The following CHD5 variants were observed in gnomAD, a reference collection of about 807,000 sequenced individuals.
CHD5 encodes chromodomain helicase DNA binding protein 5, also known as ATP-dependent chromatin remodeler CHD5.
Under a neutral mutation model 230.3 loss-of-function variants are expected in CHD5, and 69 were observed. The ratio of observed to expected loss-of-function variants is 0.30; its 90% CI spans 0.25 to 0.37. CHD5 has a LOEUF of 0.37. Ranked by LOEUF, CHD5 falls within the 10% of genes least tolerant of loss-of-function variation. The probability of loss-of-function intolerance (pLI) is 1.00; values close to 1 mark genes in which losing one functional copy is unlikely to be tolerated. For missense variants in CHD5, 1,827 were observed against 2,622.8 expected, an observed-to-expected ratio of 0.70 and a Z score of 6.63; for synonymous variants, 1,064 against 1,065.9, an observed-to-expected ratio of 1.00 and a Z score of 0.03.
In CHD5 at chr1:6,135,445, G is replaced by A. The variant is rs369072788; in HGVS notation, c.2697-42C>T. The A allele has an allele frequency of 1.4e-4, 219 of 1,557,616 alleles. No homozygotes were observed. In the African/African-American group the frequency reaches 2.3e-3, roughly 17 times the overall value. ...GGATAACAGCCAGGAGCAGAGGACC[G>A]GGGCAGGGGAGGCAGGGTGCAGAGC... On this transcript the variant is annotated intron_variant, in intron 17 of 41. Coordinates refer to ENST00000262450, the MANE Select transcript of CHD5 (RefSeq NM_015557.3).
At chr1:6,107,041 G>A in intron 38 of CHD5, among the ~76,000 whole-genome samples, 1 of 141,590 alleles carries the variant, frequency 7.1e-6, no homozygotes, top group South Asian at 2.5e-4. Flanking sequence ...GGAAGATGGA[G>A]GGATGGAGGA....
chr1:6,142,203 G>A lies in CHD5; in HGVS notation c.2361C>T (p.Arg787=), dbSNP rs1343827271. Residue 787 remains arginine, a synonymous_variant, in exon 15 of 42, where the codon CGC becomes CGT. Transcript: ENST00000262450. This position sits in a 1 kb window ranked among gnomAD's most constrained non-coding sequence, Gnocchi z 5.2. ...AAAACTCGTTCTCCCGAATCACCGA[G>A]CGGCTCTCCTTGTCCCCCGTGTAGG... ...VVTYTGDKES[R]SVIRENEFSF... 6.2e-7 allele frequency: 1 copy of A among 1,614,070 alleles called. No homozygotes were observed. Among genetic ancestry groups the A allele is most frequent in the African/African-American group, 1.3e-5 (1 of 74,932 alleles).
chr1:6,105,206 A>AG lies in CHD5; in HGVS notation c.*267dup, dbSNP rs1557532497. The stretch of plus-strand genomic sequence containing the variant: ...AAGAAGTCGTCTGGAAAAGGTGGCG[A>AG]GGGGGCACGTCCGGCGTGGTTGTGG... On this transcript the variant is annotated 3_prime_UTR_variant, in exon 42 of 42. Transcript: ENST00000262450. The surrounding 1 kb of genome is among the most constrained non-coding windows in gnomAD (Gnocchi z 4.8). 2 of 350,124 alleles carry AG rather than the reference A, an allele frequency of 5.7e-6. No homozygotes were observed. Among genetic ancestry groups the AG allele is most frequent in the South Asian group, 2.2e-5 (1 of 45,436 alleles). 21.7% of individuals were successfully genotyped at this position (350,124 alleles called of 1,614,324 possible).
In CHD5 at chr1:6,124,232, G is replaced by A. The variant is rs552690609; in HGVS notation, c.4540-125C>T. 94 of 950,166 alleles carry A rather than the reference G, an allele frequency of 9.9e-5. No individual in the cohort carries two copies. The East Asian group carries it at 1.2e-3, about 13-fold the overall frequency. 58.9% of individuals were successfully genotyped at this position (950,166 alleles called of 1,614,324 possible). Reference sequence around the variant, plus strand: ...CAGGCTTGGGGTAGCTGCTACCTCCGCCCAAGGCTGGCCAAGCCAGGCCCC... The same window carrying A: ...CAGGCTTGGGGTAGCTGCTACCTCCACCCAAGGCTGGCCAAGCCAGGCCCC... On this transcript the variant is annotated intron_variant, in intron 30 of 41. Coordinates refer to ENST00000262450, the MANE Select transcript of CHD5 (RefSeq NM_015557.3).
intron 5 of CHD5, among the ~76,000 whole-genome samples, chr1:6,152,859 C>T (rs945293178): frequency 6.6e-6 from 1 of 152,232 alleles, no homozygotes; most frequent in African/African-American, 2.4e-5. Flanking sequence ...ACTAGCCATC[C>T]CCCACAGCCA....
chr1:6,119,065 TA>T (rs35690342), intron 33 of CHD5, among the ~76,000 whole-genome samples: 89,896 of 145,540 alleles, frequency 0.62, 27,837 homozygotes, highest in East Asian at 0.98. Flanking sequence ...GCTGTTATCT[TA>T]AAAAAAAAAA....
rs1055256100 is a variant in CHD5 at position 6,168,090 on chromosome 1, G to C, written c.207+60C>G. 8 of 1,546,312 alleles carry C rather than the reference G, an allele frequency of 5.2e-6. No individual in the cohort carries two copies. The African/African-American group carries it at 1.1e-4, about 21-fold the overall frequency. On this transcript the variant is annotated intron_variant, in intron 2 of 41. Transcript: ENST00000262450. ...GGACCCCAGCCCTCCTCTGCGGCCGGGCAGATGCAGCCACAACCCCACCCG... is the reference window on the plus strand; with the variant it reads ...GGACCCCAGCCCTCCTCTGCGGCCGCGCAGATGCAGCCACAACCCCACCCG...
At chr1:6,110,947 G>A (rs947912907) in intron 36 of CHD5, among the ~76,000 whole-genome samples, 4 of 152,140 alleles carry the variant, frequency 2.6e-5, no homozygotes, top group African/African-American at 9.7e-5. Flanking sequence ...GGAAAATTTG[G>A]GGCCAGGCAT....
In CHD5 at chr1:6,130,957, C is replaced by T. The variant is rs574410267; in HGVS notation, c.3263-629G>A. ...CCCTGAAACTCTGAACTTGCTATTC[C>T]TCCTGGCTCTCTGGCACAAGTGTTT... On this transcript the variant is annotated intron_variant, in intron 21 of 41. Coordinates refer to ENST00000262450, the MANE Select transcript of CHD5 (RefSeq NM_015557.3). The surrounding 1 kb of genome is among the most constrained non-coding windows in gnomAD (Gnocchi z 4.9). 5.8e-4 allele frequency among the ~76,000 whole-genome samples: 88 copies of T among 152,392 alleles called. 1 individual carries two copies. Among genetic ancestry groups the T allele is most frequent in the South Asian group, 2.5e-3 (12 of 4,834 alleles).
chr1:6,164,776 G>A (rs1057149263), intron 2 of CHD5, among the ~76,000 whole-genome samples: 6 of 152,240 alleles, frequency 3.9e-5, no homozygotes, highest in Admixed American at 3.3e-4. Context: ...GGCACCTCTG[G>A]AGGCCTCTTG....
At chr1:6,109,176 T>G (rs1666244871) in intron 38 of CHD5, among the ~76,000 whole-genome samples, 1 of 152,030 alleles carries the variant, frequency 6.6e-6, no homozygotes, top group South Asian at 2.1e-4. Flanking sequence ...GACGCTGGGC[T>G]TCCCTCCTAA....
chr1:6,180,250 C>A lies in CHD5; in HGVS notation c.-227G>T. On this transcript the variant is annotated 5_prime_UTR_variant, in exon 1 of 42. Coordinates refer to ENST00000262450, the MANE Select transcript of CHD5 (RefSeq NM_015557.3). ...CCCCGCAAAGCCCGGGCGCTCCTCC[C>A]ACCGCGCCCCGCAGCCCGAGTCCCG... The A allele has an allele frequency of 5.6e-6, 1 of 178,524 alleles. No homozygotes were observed. The highest frequency in any genetic ancestry group is 1.2e-5 in the Non-Finnish European group (1 of 85,918). The allele number at this position is 178,524 out of a possible 1,614,324, so 11.1% of individuals were successfully genotyped here.
At chr1:6,149,989 A>G (rs1263552908) in intron 7 of CHD5, among the ~76,000 whole-genome samples, 2 of 145,854 alleles carry the variant, frequency 1.4e-5, no homozygotes, top group Non-Finnish European at 3.0e-5. Flanking sequence ...TGGATGATGG[A>G]TGGATGGACA....
In CHD5 at chr1:6,121,561, G is replaced by A. The variant is rs374832412; in HGVS notation, c.4712C>T (p.Ala1571Val). The change falls in exon 32 of 42, where the codon GCC becomes GTC. Residue 1571 changes from alanine (A) to valine (V), a missense_variant. Physicochemically the swap from Ala to Val is moderately conservative, Grantham distance 64. This residue lies in a region of CHD5 where 272 missense variants were observed against 263.2 expected (regional missense o/e 1.03). Transcript: ENST00000262450. This position sits in a 1 kb window ranked among gnomAD's most constrained non-coding sequence, Gnocchi z 4.5. ...TTTCTCATCCATGTAGCCCAGCTGG[G>A]CTTCCATTTTGTCTGAAAGATCAAG... ...APLGLPDKMEAQLGYMDEKDP... is the reference protein window; with the variant it reads ...APLGLPDKMEVQLGYMDEKDP... The A allele has an allele frequency of 6.2e-7, 1 of 1,612,284 alleles. No homozygotes were observed.
At chr1:6,140,030 C>T (rs1666803564) in intron 15 of CHD5, among the ~76,000 whole-genome samples, 1 of 152,320 alleles carries the variant, frequency 6.6e-6, no homozygotes, top group South Asian at 2.1e-4. Context: ...TCCACCAGCC[C>T]CCAAGGCTGT....
chr1:6,124,769 G>A (rs1397699816), intron 29 of CHD5, 108 bp from the exon 30 acceptor site: 14 of 759,100 alleles, frequency 1.8e-5, no homozygotes, highest in South Asian at 1.1e-4. Flanking sequence ...TTCAACCATC[G>A]CCCACCTCCT....
rs1405944778 is a variant in CHD5 at position 6,129,797 on chromosome 1, C to T, written c.3387+407G>A. 6.6e-6 allele frequency among the ~76,000 whole-genome samples: 1 copy of T among 152,116 alleles called. No individual in the cohort carries two copies. The highest frequency in any genetic ancestry group is 1.9e-4 in the East Asian group (1 of 5,190). On this transcript the variant is annotated intron_variant, in intron 22 of 41. Transcript: ENST00000262450. The surrounding 1 kb of genome is among the most constrained non-coding windows in gnomAD (Gnocchi z 6.8). ...GCCCCTTGCACTATCTTATCCTCCCCTCCACCTCCAACAGGCCCCACTCTC... is the reference window on the plus strand; with the variant it reads ...GCCCCTTGCACTATCTTATCCTCCCTTCCACCTCCAACAGGCCCCACTCTC...
intron 33 of CHD5, among the ~76,000 whole-genome samples, chr1:6,115,013 CAA>C (rs58602687): frequency 5.9e-5 from 8 of 136,288 alleles, no homozygotes; most frequent in Admixed American, 1.5e-4. Flanking sequence ...GACTCCATCT[CAA>C]AAAAAAAAAA....
intron 36 of CHD5, 107 bp from the exon 37 acceptor site, chr1:6,110,633 G>T: frequency 1.7e-6 from 2 of 1,193,022 alleles, no homozygotes; most frequent in Non-Finnish European, 1.2e-6. Context: ...CGGCATTCTG[G>T]CTGTACGCTC....
Sources: gnomAD v4.1 joint callset for allele counts (sites outside exome capture counted in the v4.1 genomes callset) on GRCh38, gnomAD v4.1.1 for gene constraint, gnomAD v4.1.1 regional missense constraint, Gnocchi (gnomAD v3.1) non-coding constraint, MANE v1.5 for transcripts, NCBI Gene and HGNC (gene_info 2026-07-23, HGNC 2026-07-21) for gene names.